Variants in MED4 observed in about 807,000 individuals in gnomAD.
MED4 encodes mediator of RNA polymerase II transcription subunit 4.
In MED4, 21 loss-of-function variants were observed where a neutral mutation model predicts 35.0. The observed-to-expected ratio is 0.60, with a 90% CI of 0.43 to 0.86. The LOEUF (loss-of-function observed/expected upper bound fraction) is 0.86. Among genes scored for constraint, MED4 ranks in the 40% least tolerant of loss-of-function variants. The pLI is 0.00. For missense variants in MED4, 300 were observed against 319.4 expected (o/e 0.94, Z 0.46); for synonymous variants, 138 against 114.0 (o/e 1.21, Z -1.34).
At chr13:48,093,141 A>G in intron 1 of MED4, among the ~76,000 whole-genome samples, 1 of 152,256 alleles carries the variant, frequency 6.6e-6, no homozygotes, top group Non-Finnish European at 1.5e-5. Context: ...CATAGCGGTT[A>G]GAGCCTACAT....
chr13:48,093,489 C>T (rs1950903949), intron 1 of MED4: 1 of 364,620 alleles, frequency 2.7e-6, no homozygotes, highest in Admixed American at 3.7e-5. Flanking sequence ...AAGCCAGACA[C>T]AAATTACATT....
intron 3 of MED4, among the ~76,000 whole-genome samples, chr13:48,084,105 A>AG (rs1411996777): frequency 6.6e-6 from 1 of 152,108 alleles, no homozygotes; most frequent in Non-Finnish European, 1.5e-5. Context: ...TACTAAAAAT[A>AG]CAAAAAATTT....
chr13:48,078,807 CT>C (rs1054357067), intron 6 of MED4, among the ~76,000 whole-genome samples: 10 of 152,234 alleles, frequency 6.6e-5, no homozygotes, highest in African/African-American at 2.4e-4. Context: ...TTGAGTTCCC[CT>C]GGTTGTACTT....
intron 1 of MED4, 38 bp from the exon 2 acceptor site, chr13:48,090,456 A>C: frequency 6.6e-7 from 1 of 1,510,644 alleles, no homozygotes; most frequent in Non-Finnish European, 9.0e-7. Context: ...AAACCCTTTC[A>C]CAGCATACTG....
intron 3 of MED4, 65 bp downstream of exon 3, chr13:48,086,217 G>T: frequency 6.8e-7 from 1 of 1,478,010 alleles, no homozygotes; most frequent in South Asian, 1.2e-5. Flanking sequence ...ATTGATAACA[G>T]ATTTTTCAGA....
chr13:48,081,720 A>G lies in MED4; in HGVS notation c.433T>C (p.Ser145Pro), dbSNP rs1336601618. Residue 145 changes from serine (S) to proline (P), a missense_variant, in exon 5 of 7, where the codon TCT becomes CCT. Transcript: ENST00000258648. ...IEKARKGAIS[S>P]EEIIKYAHRI... ...TGTGCATACTTAATTATTTCTTCAG[A>G]GGAGATAGCACCTGAAAGAGTTTTA... 1 of 1,608,782 alleles carries G rather than the reference A, an allele frequency of 6.2e-7. No homozygotes were observed. Among genetic ancestry groups the G allele is most frequent in the Non-Finnish European group, 8.5e-7 (1 of 1,177,168 alleles).
In MED4 at chr13:48,076,981, G is replaced by C. The variant is rs1950764051; in HGVS notation, c.*158C>G. Reference sequence around the variant, plus strand: ...AAACTATGGTCTTTGGCTTTAAAAAGAAAGTCAAAAAATTTTGACTTTTAA... The same window carrying C: ...AAACTATGGTCTTTGGCTTTAAAAACAAAGTCAAAAAATTTTGACTTTTAA... On this transcript the variant is annotated 3_prime_UTR_variant, in exon 7 of 7. Coordinates refer to ENST00000258648, the MANE Select transcript of MED4 (RefSeq NM_014166.4). 1 of 572,944 alleles carries C rather than the reference G, an allele frequency of 1.7e-6. No individual in the cohort carries two copies. Among genetic ancestry groups the C allele is most frequent in the Non-Finnish European group, 2.8e-6 (1 of 354,850 alleles). The allele number at this position is 572,944 out of a possible 1,614,324, so 35.5% of individuals were successfully genotyped here.
At chr13:48,094,510 G>A (rs1225879632) in intron 1 of MED4, among the ~76,000 whole-genome samples, 1 of 152,018 alleles carries the variant, frequency 6.6e-6, no homozygotes, top group Non-Finnish European at 1.5e-5. Flanking sequence ...TCTTCAGAGG[G>A]CCTGCCCTGA....
chr13:48,091,662 T>C (rs1470964970), intron 1 of MED4, among the ~76,000 whole-genome samples: 1 of 152,188 alleles, frequency 6.6e-6, no homozygotes, highest in East Asian at 1.9e-4. Flanking sequence ...TGAGTGCCTA[T>C]CATGTGCCAG....
chr13:48,082,682 C>A (rs1213302728), intron 4 of MED4, among the ~76,000 whole-genome samples: 1 of 152,138 alleles, frequency 6.6e-6, no homozygotes, highest in Non-Finnish European at 1.5e-5. Context: ...AAAAAATTAG[C>A]CGGGTGTGGT....
At chr13:48,081,199 C>T (rs1270573860) in intron 5 of MED4, among the ~76,000 whole-genome samples, 1 of 152,198 alleles carries the variant, frequency 6.6e-6, no homozygotes, top group Non-Finnish European at 1.5e-5. Context: ...ATTATCCCAG[C>T]TCTTTCCAAG....
At position 48,080,089 on chromosome 13, in the gene MED4, T is replaced by C. The variant is rs200396380; in HGVS notation, c.509-114A>G. 3.1e-5 allele frequency: 39 copies of C among 1,240,092 alleles called. No homozygotes were observed. In the East Asian group the frequency reaches 1.1e-3, roughly 34 times the overall value. 76.8% of individuals were successfully genotyped at this position (1,240,092 alleles called of 1,614,324 possible). On this transcript the variant is annotated intron_variant, in intron 5 of 6. Transcript: ENST00000258648. ...ATGCTGAAAAGTTCAGGCTACATTT[T>C]CAATTTTGAAATACAGAAGTCATCT...
chr13:48,082,508 G>A (rs1196850292), intron 4 of MED4, among the ~76,000 whole-genome samples: 1 of 152,190 alleles, frequency 6.6e-6, no homozygotes, highest in African/African-American at 2.4e-5. Context: ...TCTTGCTACA[G>A]AAGCCTAACC....
chr13:48,083,869 A>C (rs1950828794), intron 3 of MED4, among the ~76,000 whole-genome samples: 1 of 152,196 alleles, frequency 6.6e-6, no homozygotes, highest in South Asian at 2.1e-4. Context: ...TAATGACTTT[A>C]TCACAAAAAC....
Position 48,077,249 on chromosome 13 carries a change from T to C in MED4, c.703A>G (p.Asn235Asp). 1 of 1,592,502 alleles carries C rather than the reference T, an allele frequency of 6.3e-7. No individual in the cohort carries two copies. The highest frequency in any genetic ancestry group is 1.4e-5 in the African/African-American group (1 of 73,408). ...TCCAACAAAAAGTCACTACTATGAT[T>C]TGGTGGTAACATATTCATCGACATG... is the stretch of plus-strand genomic sequence containing the variant. ...NDMSMNMLPPNHSSDFLLEPP... is the reference protein window; with the variant it reads ...NDMSMNMLPPDHSSDFLLEPP... Residue 235 changes from asparagine (N) to aspartate (D), a missense_variant, in exon 7 of 7, where the codon AAT (asparagine) becomes GAT (aspartate). Transcript: ENST00000258648.
chr13:48,094,069 T>C (rs1950908058), intron 1 of MED4, among the ~76,000 whole-genome samples: 1 of 152,174 alleles, frequency 6.6e-6, no homozygotes, highest in Admixed American at 6.5e-5. Context: ...ACCAATGAGG[T>C]AGCTTTTATA....
chr13:48,086,540 A>G, intron 2 of MED4, 88 bp from the exon 3 acceptor site: 1 of 1,239,540 alleles, frequency 8.1e-7, no homozygotes, highest in Non-Finnish European at 1.1e-6. Context: ...TGAATTGGCT[A>G]GGCTATAAAT....
intron 5 of MED4, among the ~76,000 whole-genome samples, chr13:48,080,396 C>CAAAAAAAAA (rs57198503): frequency 1.3e-3 from 88 of 68,242 alleles, no homozygotes; most frequent in East Asian, 2.9e-3. Flanking sequence ...GACCCTGTCT[C>CAAAAAAAAA]AAAAAAAAAA....
chr13:48,083,583 A>C (rs1213310633), intron 3 of MED4, among the ~76,000 whole-genome samples, 155 bp from the exon 4 acceptor site: 1 of 152,226 alleles, frequency 6.6e-6, no homozygotes. Context: ...ATACCACTTG[A>C]CATTATTTAT....
Sources: allele counts gnomAD v4.1 joint callset (sites outside exome capture counted in the v4.1 genomes callset), GRCh38; gene constraint gnomAD v4.1.1; transcripts MANE v1.5; gene names NCBI Gene and HGNC (gene_info 2026-07-23, HGNC 2026-07-21).